Variants in LHFPL6 observed in about 807,000 individuals in gnomAD.
LHFPL6 encodes LHFPL tetraspan subfamily member 6, also known as LHFPL tetraspan subfamily member 6 protein.
LHFPL6 carries 9 observed loss-of-function variants against 20.6 expected under a neutral mutation model. The ratio of observed to expected loss-of-function variants is 0.44; its 90% CI spans 0.26 to 0.76. The LOEUF is 0.76. Among genes scored for constraint, LHFPL6 ranks in the 30% least tolerant of loss-of-function variants. The probability of loss-of-function intolerance (pLI) is 0.20; values close to 1 mark genes in which losing one functional copy is unlikely to be tolerated. For missense variants in LHFPL6, 218 were observed against 253.5 expected (o/e 0.86, Z 0.95); for synonymous variants, 105 against 98.7 (o/e 1.06, Z -0.38).
intron 2 of LHFPL6, among the ~76,000 whole-genome samples, chr13:39,395,023 C>A (rs1369962052): frequency 6.6e-6 from 1 of 152,132 alleles, no homozygotes; most frequent in African/African-American, 2.4e-5. Context: ...CCATGGACTC[C>A]CCACTGCTCC....
intron 2 of LHFPL6, among the ~76,000 whole-genome samples, chr13:39,458,657 T>C (rs949387734): frequency 6.7e-6 from 1 of 148,406 alleles, no homozygotes; most frequent in Non-Finnish European, 1.5e-5. Flanking sequence ...ATTGTGCCAC[T>C]GCACTCCAGC....
intron 2 of LHFPL6, among the ~76,000 whole-genome samples, chr13:39,465,661 G>T (rs1472715082): frequency 6.6e-6 from 1 of 152,066 alleles, no homozygotes; most frequent in Non-Finnish European, 1.5e-5. Context: ...CATCTTGTCT[G>T]AAAATATTTG....
intron 2 of LHFPL6, among the ~76,000 whole-genome samples, chr13:39,468,917 C>T (rs1872872016): frequency 6.6e-6 from 1 of 151,472 alleles, no homozygotes; most frequent in Admixed American, 6.6e-5. Flanking sequence ...GTTTGAATTG[C>T]AACACTGTAT....
intron 2 of LHFPL6, among the ~76,000 whole-genome samples, chr13:39,379,916 T>G (rs1342534299): frequency 3.9e-5 from 6 of 152,228 alleles, no homozygotes; most frequent in African/African-American, 1.4e-4. Flanking sequence ...ATCACTAGTC[T>G]CAGGATGTCC....
At chr13:39,357,481 C>G (rs1869757427) in intron 3 of LHFPL6, among the ~76,000 whole-genome samples, 1 of 152,200 alleles carries the variant, frequency 6.6e-6, no homozygotes, top group Non-Finnish European at 1.5e-5. Flanking sequence ...CAACATAGTA[C>G]TGGGCTCCCT....
At chr13:39,464,687 G>A (rs1184462069) in intron 2 of LHFPL6, among the ~76,000 whole-genome samples, 3 of 140,888 alleles carry the variant, frequency 2.1e-5, no homozygotes, top group African/African-American at 5.5e-5. Context: ...ACTATTGGGG[G>A]AAAAAGCACA....
intron 2 of LHFPL6, among the ~76,000 whole-genome samples, chr13:39,393,734 A>T (rs137896379): frequency 0.01 from 1,585 of 152,326 alleles, 13 homozygotes; most frequent in Admixed American, 0.017. Flanking sequence ...TGGGTGGCTC[A>T]AACATTCATT....
intron 2 of LHFPL6, among the ~76,000 whole-genome samples, chr13:39,560,145 C>G (rs1456494403): frequency 2.0e-5 from 3 of 152,084 alleles, no homozygotes; most frequent in Non-Finnish European, 4.4e-5. Flanking sequence ...CATGGGAGCT[C>G]CAAATCAACA....
intron 2 of LHFPL6, among the ~76,000 whole-genome samples, chr13:39,380,545 C>G (rs1370194421): frequency 1.3e-5 from 2 of 149,948 alleles, no homozygotes; most frequent in Non-Finnish European, 3.0e-5. Flanking sequence ...GAGTCTCGCA[C>G]TGTCATCCAG....
At chr13:39,578,237 G>A (rs1287435753) in intron 2 of LHFPL6, among the ~76,000 whole-genome samples, 1 of 152,110 alleles carries the variant, frequency 6.6e-6, no homozygotes, top group African/African-American at 2.4e-5. Flanking sequence ...TGGAGTGATA[G>A]GACAAAAGCA....
At chr13:39,554,555 CT>C (rs745768323) in intron 2 of LHFPL6, among the ~76,000 whole-genome samples, 10 of 152,214 alleles carry the variant, frequency 6.6e-5, no homozygotes, top group Non-Finnish European at 1.3e-4. Context: ...GCCTGCATCC[CT>C]GCATACTTCT....
chr13:39,362,129 T>A (rs1482671250), intron 3 of LHFPL6, among the ~76,000 whole-genome samples: 1 of 152,222 alleles, frequency 6.6e-6, no homozygotes, highest in Non-Finnish European at 1.5e-5. Context: ...CCTGCTCAAA[T>A]CTCATGTCAA....
chr13:39,401,638 C>G (rs889429806), intron 2 of LHFPL6, among the ~76,000 whole-genome samples: 1 of 152,206 alleles, frequency 6.6e-6, no homozygotes, highest in Non-Finnish European at 1.5e-5. Flanking sequence ...ACAAAAGTAC[C>G]ATGAGTTCTA....
intron 2 of LHFPL6, among the ~76,000 whole-genome samples, chr13:39,539,537 A>G (rs1870730789): frequency 6.6e-6 from 1 of 152,228 alleles, no homozygotes; most frequent in South Asian, 2.1e-4. Flanking sequence ...GATACTGGCT[A>G]TTCAGCAAAT....
chr13:39,487,192 A>G (rs1464678445), intron 2 of LHFPL6, among the ~76,000 whole-genome samples: 2 of 152,248 alleles, frequency 1.3e-5, no homozygotes, highest in African/African-American at 4.8e-5. Flanking sequence ...AAAATTATAA[A>G]TGCACTATCA....
intron 2 of LHFPL6, among the ~76,000 whole-genome samples, chr13:39,486,297 T>C (rs908041747): frequency 2.0e-5 from 3 of 152,240 alleles, no homozygotes; most frequent in Non-Finnish European, 4.4e-5. Flanking sequence ...TTTGTTTTCA[T>C]GTCATTTTTT....
At chr13:39,572,110 T>G (rs963129440) in intron 2 of LHFPL6, among the ~76,000 whole-genome samples, 6 of 152,232 alleles carry the variant, frequency 3.9e-5, no homozygotes, top group African/African-American at 1.4e-4. Context: ...AAGAATCTCC[T>G]AGAATTGTAC....
intron 1 of LHFPL6, among the ~76,000 whole-genome samples, chr13:39,602,653 G>T (rs965098980): frequency 3.3e-5 from 5 of 152,212 alleles, no homozygotes; most frequent in Non-Finnish European, 7.3e-5. Context: ...GGGGGCAAGA[G>T]GCATTTTCCA....
chr13:39,568,988 T>C (rs979771839), intron 2 of LHFPL6, among the ~76,000 whole-genome samples: 2 of 152,212 alleles, frequency 1.3e-5, no homozygotes, highest in Admixed American at 1.3e-4. Flanking sequence ...CCATTTCCCA[T>C]ATTGGTTTGC....
Sources: gnomAD v4.1 joint callset for allele counts (sites outside exome capture counted in the v4.1 genomes callset) on GRCh38, gnomAD v4.1.1 for gene constraint, MANE v1.5 for transcripts, NCBI Gene and HGNC (gene_info 2026-07-23, HGNC 2026-07-21) for gene names.